Variants in ZNF280D observed in about 807,000 individuals in gnomAD.
The protein encoded by ZNF280D is zinc finger protein 280D.
Under a neutral mutation model 94.7 loss-of-function variants are expected in ZNF280D, and 39 were observed. The observed-to-expected ratio is 0.41, with a 90% CI of 0.32 to 0.54. The LOEUF (loss-of-function observed/expected upper bound fraction) is 0.54, where lower values mean the gene tolerates loss of function less well. ZNF280D is among the 20% of genes least tolerant of loss of function. The probability of loss-of-function intolerance (pLI) is 0.22; values close to 1 mark genes in which losing one functional copy is unlikely to be tolerated. For missense variants in ZNF280D, 1,090 were observed against 1,149.3 expected, an observed-to-expected ratio of 0.95 and a Z score of 0.75; for synonymous variants, 398 against 377.6, an observed-to-expected ratio of 1.05 and a Z score of -0.63.
intron 3 of ZNF280D, 27 bp from the exon 4 acceptor site, chr15:56,704,294 C>T: frequency 6.3e-7 from 1 of 1,577,668 alleles, no homozygotes; most frequent in South Asian, 1.2e-5. Flanking sequence ...GAGAAGTAAA[C>T]CTCATTTTTG....
In ZNF280D at chr15:56,669,939, TA is replaced by T. The variant is rs2054664364; in HGVS notation, c.1411-983del. 8.1e-3 allele frequency among the ~76,000 whole-genome samples: 35 copies of T among 4,326 alleles called. 9 individuals carry two copies. The highest frequency in any genetic ancestry group is 0.043 in the African/African-American group (35 of 822). The allele number at this position is 4,326 out of a possible 152,430, so 2.8% of individuals were successfully genotyped here. A position where few individuals can be genotyped will look rare whatever the true frequency, so the allele number is the denominator to read the frequency against. Reference sequence around the variant, plus strand: ...TTATATATATATTATATATATATTATATATATATATTATATATATATATTAT... The same window carrying T: ...TTATATATATATTATATATATATTATTATATATATTATATATATATATTAT... On this transcript the variant is annotated intron_variant, in intron 13 of 21. Coordinates refer to ENST00000267807, the MANE Select transcript of ZNF280D (RefSeq NM_017661.4).
At chr15:56,702,049 C>T (rs536659110) in intron 4 of ZNF280D, among the ~76,000 whole-genome samples, 2 of 144,636 alleles carry the variant, frequency 1.4e-5, no homozygotes, top group African/African-American at 5.0e-5. Flanking sequence ...AACCACCCAC[C>T]AAATCTCATA....
chr15:56,639,178 A>T (rs1366529375), intron 20 of ZNF280D, among the ~76,000 whole-genome samples: 1 of 151,922 alleles, frequency 6.6e-6, no homozygotes, highest in Non-Finnish European at 1.5e-5. Flanking sequence ...CAAAATTACA[A>T]ATATGGCAAC....
chr15:56,689,236 G>C, intron 8 of ZNF280D, 64 bp downstream of exon 8: 1 of 1,542,652 alleles, frequency 6.5e-7, no homozygotes, highest in Non-Finnish European at 8.8e-7. Flanking sequence ...AAAATTTATA[G>C]CCACTTCAAA....
chr15:56,644,046 T>C (rs1304111985), intron 19 of ZNF280D, among the ~76,000 whole-genome samples: 5 of 152,048 alleles, frequency 3.3e-5, no homozygotes, highest in African/African-American at 9.6e-5. Context: ...TGTTTATACT[T>C]TGTTAAACAT....
intron 1 of ZNF280D, among the ~76,000 whole-genome samples, chr15:56,727,649 C>T (rs1477532811): frequency 1.3e-5 from 2 of 152,134 alleles, no homozygotes; most frequent in African/African-American, 4.8e-5. Flanking sequence ...CAATTAAGAA[C>T]TCAGACTTCA....
At position 56,636,650 on chromosome 15, in the gene ZNF280D, A is replaced by AT. The variant is rs1223008718; in HGVS notation, c.2260-1401dup. ...AGGTACCCACCACCATGCCCGACTA[A>AT]TTTTTGTATTTTTAGTACAGACGGG... On this transcript the variant is annotated intron_variant, in intron 20 of 21. Transcript: ENST00000267807. Among the ~76,000 whole-genome samples, 213 of 151,978 alleles carry AT rather than the reference A, an allele frequency of 1.4e-3. 1 individual carries two copies. The highest frequency in any genetic ancestry group is 2.3e-3 in the Non-Finnish European group (154 of 67,932).
At chr15:56,676,636 A>G in intron 13 of ZNF280D, 34 bp downstream of exon 13, 1 of 1,551,116 alleles carries the variant, frequency 6.4e-7, no homozygotes, top group Non-Finnish European at 8.7e-7. Context: ...CACTAAGACA[A>G]CATAATAAAC....
chr15:56,704,338 G>T, intron 3 of ZNF280D, 71 bp from the exon 4 acceptor site: 1 of 1,400,944 alleles, frequency 7.1e-7, no homozygotes. Context: ...GTAATACATA[G>T]CATTAATTTT....
intron 13 of ZNF280D, among the ~76,000 whole-genome samples, chr15:56,672,397 T>A (rs1342293206): frequency 2.6e-5 from 4 of 152,164 alleles, no homozygotes; most frequent in Non-Finnish European, 5.9e-5. Context: ...GAAGAGATAC[T>A]GACTTTTATC....
In ZNF280D at chr15:56,633,456, T is replaced by C. The variant is rs1018131237; in HGVS notation, c.2316-1334A>G. 7.6e-4 allele frequency among the ~76,000 whole-genome samples: 116 copies of C among 152,132 alleles called. 1 individual carries two copies. The highest frequency in any genetic ancestry group is 2.7e-3 in the African/African-American group (112 of 41,448). On this transcript the variant is annotated intron_variant, in intron 21 of 21. Transcript: ENST00000267807. ...TCAAGGATGCTCATTAAAACAATGT[T>C]TAAAATAGTAAATATAAAAAATCTA...
At chr15:56,693,697 T>G (rs2056557399) in intron 6 of ZNF280D, among the ~76,000 whole-genome samples, 1 of 151,954 alleles carries the variant, frequency 6.6e-6, no homozygotes, top group Non-Finnish European at 1.5e-5. Flanking sequence ...CCAAAAAAAT[T>G]AAAAGCTTCT....
In ZNF280D at chr15:56,653,513, G is replaced by A. The variant is rs528572765; in HGVS notation, c.2213+685C>T. On this transcript the variant is annotated intron_variant, in intron 19 of 21. Transcript: ENST00000267807. ...ATTATTCACATTCCTTGGAAAGAGAGAACAGGCATCAGTTGTGTCCATCGA... is the reference window on the plus strand; with the variant it reads ...ATTATTCACATTCCTTGGAAAGAGAAAACAGGCATCAGTTGTGTCCATCGA... The A allele has an allele frequency of 2.2e-5, 34 of 1,519,714 alleles. No individual in the cohort carries two copies. The African/African-American group carries it at 4.6e-4, about 20-fold the overall frequency. 94.1% of individuals were successfully genotyped at this position (1,519,714 alleles called of 1,614,324 possible).
chr15:56,649,725 G>GT (rs2053101134), intron 19 of ZNF280D, among the ~76,000 whole-genome samples: 1 of 151,748 alleles, frequency 6.6e-6, no homozygotes, highest in Admixed American at 6.6e-5. Context: ...ATTCCTCCAA[G>GT]TAAGTTCAAA....
intron 11 of ZNF280D, 64 bp from the exon 12 acceptor site, chr15:56,677,738 C>T (rs566746557): frequency 1.6e-5 from 9 of 570,840 alleles, no homozygotes; most frequent in Non-Finnish European, 2.3e-5. Context: ...TAATTTTATA[C>T]ATCTATATCA....
At chr15:56,705,290 G>A (rs2057338583) in intron 3 of ZNF280D, among the ~76,000 whole-genome samples, 1 of 152,102 alleles carries the variant, frequency 6.6e-6, no homozygotes, top group Non-Finnish European at 1.5e-5. Flanking sequence ...TCATAACTTA[G>A]CATTTGTGTT....
chr15:56,667,000 GAGA>G lies in ZNF280D; in HGVS notation c.1546-17_1546-15del. The G allele has an allele frequency of 1.3e-6, 2 of 1,534,976 alleles. No homozygotes were observed. The highest frequency in any genetic ancestry group is 1.2e-5 in the South Asian group (1 of 80,372). On this transcript the variant is annotated splice_polypyrimidine_tract_variant and intron_variant, in intron 14 of 21. Coordinates refer to ENST00000267807, the MANE Select transcript of ZNF280D (RefSeq NM_017661.4). ...TCGAATAGTAACCTACAAAAATAAA[GAGA>G]AGATTTGCTTTAAGAGATTAATCAG...
chr15:56,687,633 TA>T (rs1314621266), intron 9 of ZNF280D, among the ~76,000 whole-genome samples: 2 of 152,178 alleles, frequency 1.3e-5, no homozygotes, highest in African/African-American at 2.4e-5. Flanking sequence ...GCTACCTACT[TA>T]AAAAATTAAA....
At chr15:56,709,255 A>G (rs1321111265) in intron 1 of ZNF280D, among the ~76,000 whole-genome samples, 1 of 152,212 alleles carries the variant, frequency 6.6e-6, no homozygotes, top group East Asian at 1.9e-4. Context: ...GACACATGAA[A>G]AAATGCTCAT....
Sources: allele counts gnomAD v4.1 joint callset (sites outside exome capture counted in the v4.1 genomes callset), GRCh38; gene constraint gnomAD v4.1.1; transcripts MANE v1.5; gene names NCBI Gene and HGNC (gene_info 2026-07-23, HGNC 2026-07-21).